NOS1AP: variants seen among roughly 807,000 people sequenced by gnomAD.
NOS1AP encodes the protein carboxyl-terminal PDZ ligand of neuronal nitric oxide synthase protein.
A neutral mutation model predicts 56.2 loss-of-function variants in NOS1AP; 21 were observed. That is an observed-to-expected ratio of 0.37 (90% CI 0.26 to 0.54). The LOEUF (loss-of-function observed/expected upper bound fraction) is 0.54, where lower values mean the gene tolerates loss of function less well. Ranked by LOEUF, NOS1AP falls within the 20% of genes least tolerant of loss-of-function variation. NOS1AP has a pLI of 0.84. For missense variants in NOS1AP, 522 were observed against 657.8 expected (o/e 0.79, Z 2.26); for synonymous variants, 270 against 274.6 (o/e 0.98, Z 0.17).
At chr1:162,199,122 C>T (rs544130268) in intron 2 of NOS1AP, among the ~76,000 whole-genome samples, 381 of 152,320 alleles carry the variant, frequency 2.5e-3, no homozygotes, top group Middle Eastern at 6.8e-3. Flanking sequence ...CCTCCTGTTT[C>T]TCACCACAAA....
intron 2 of NOS1AP, among the ~76,000 whole-genome samples, chr1:162,255,669 CA>C (rs1479299883): frequency 6.6e-6 from 1 of 151,958 alleles, no homozygotes; most frequent in Non-Finnish European, 1.5e-5. Context: ...ATGGAACCAG[CA>C]AGGTCAAATG....
chr1:162,306,963 CA>C (rs5778264), intron 4 of NOS1AP, among the ~76,000 whole-genome samples: 80,337 of 142,024 alleles, frequency 0.57, 21,576 homozygotes, highest in East Asian at 0.61. Flanking sequence ...ACTTTTGTCT[CA>C]AAAAAAAAAA....
intron 2 of NOS1AP, among the ~76,000 whole-genome samples, chr1:162,162,196 A>G (rs1182317310): frequency 6.6e-6 from 1 of 152,216 alleles, no homozygotes; most frequent in Non-Finnish European, 1.5e-5. Context: ...GTGTGTTGCC[A>G]TCAAATAGTT....
At chr1:162,090,547 G>A (rs1035429217) in intron 1 of NOS1AP, among the ~76,000 whole-genome samples, 13 of 151,910 alleles carry the variant, frequency 8.6e-5, no homozygotes, top group South Asian at 2.1e-4. Flanking sequence ...TTGTTCTTCC[G>A]GAACCACTCT....
At chr1:162,290,367 G>A (rs149125324) in intron 3 of NOS1AP, among the ~76,000 whole-genome samples, 1 of 152,302 alleles carries the variant, frequency 6.6e-6, no homozygotes, top group African/African-American at 2.4e-5. Context: ...CACATTAACA[G>A]CAATCAGCCT....
rs7538260 is a variant in NOS1AP, at chr1:162,287,456, A to G, written c.270+20A>G. ...AAAAAGGTAAGTGGCTCTGAACCAG[A>G]ATCTGAGGTGAAGAGGAAAGCAGGG... is the stretch of plus-strand genomic sequence containing the variant. On this transcript the variant is annotated intron_variant, in intron 3 of 9. Coordinates refer to ENST00000361897, the MANE Select transcript of NOS1AP (RefSeq NM_014697.3). 22,869 of 1,537,012 alleles carry G rather than the reference A, an allele frequency of 0.015. 208 individuals are homozygous for G. The highest frequency in any genetic ancestry group is 0.018 in the Non-Finnish European group (19,569 of 1,109,452).
intron 5 of NOS1AP, among the ~76,000 whole-genome samples, chr1:162,339,132 G>C (rs1657026224): frequency 6.6e-6 from 1 of 152,100 alleles, no homozygotes; most frequent in Non-Finnish European, 1.5e-5. Flanking sequence ...TCACAAAATT[G>C]CCTGTAGTTG....
In NOS1AP at chr1:162,287,437, G is replaced by GT; in HGVS notation, c.270+2dup. ...AGTGATTCTGAAGAAGAAGAAAAAGGTAAGTGGCTCTGAACCAGAATCTGA... is the reference window on the plus strand; with the variant it reads ...AGTGATTCTGAAGAAGAAGAAAAAGGTTAAGTGGCTCTGAACCAGAATCTGA... On this transcript the variant is annotated splice_donor_variant, in intron 3 of 9. Coordinates refer to ENST00000361897, the MANE Select transcript of NOS1AP (RefSeq NM_014697.3). LOFTEE classifies it high-confidence loss of function. 6.2e-7 allele frequency: 1 copy of GT among 1,603,004 alleles called. No homozygotes were observed. The highest frequency in any genetic ancestry group is 8.5e-7 in the Non-Finnish European group (1 of 1,169,888).
rs557353056 is a variant in NOS1AP, at chr1:162,155,088, A to C, written c.177+612A>C. 2.0e-5 allele frequency among the ~76,000 whole-genome samples: 3 copies of C among 151,886 alleles called. No individual in the cohort carries two copies. The South Asian group carries it at 6.3e-4, about 32-fold the overall frequency. On this transcript the variant is annotated intron_variant, in intron 2 of 9. Coordinates refer to ENST00000361897, the MANE Select transcript of NOS1AP (RefSeq NM_014697.3). ...TTGCCTGGATAAGGGAGGACAAAGAAATTGGCTTGATTAGGGTATTCGAGG... is the reference window on the plus strand; with the variant it reads ...TTGCCTGGATAAGGGAGGACAAAGACATTGGCTTGATTAGGGTATTCGAGG...
At chr1:162,125,812 T>C (rs576415807) in intron 1 of NOS1AP, among the ~76,000 whole-genome samples, 5 of 152,254 alleles carry the variant, frequency 3.3e-5, no homozygotes, top group South Asian at 4.1e-4. Flanking sequence ...TGTGAAAAAC[T>C]ATCTTGATAT....
intron 1 of NOS1AP, among the ~76,000 whole-genome samples, chr1:162,110,923 T>A (rs1024226387): frequency 6.6e-6 from 1 of 152,232 alleles, no homozygotes; most frequent in African/African-American, 2.4e-5. Flanking sequence ...GCTGTAGCCA[T>A]TAAGTCACTC....
At chr1:162,341,569 T>C (rs1657106739) in intron 5 of NOS1AP, among the ~76,000 whole-genome samples, 1 of 152,212 alleles carries the variant, frequency 6.6e-6, no homozygotes, top group African/African-American at 2.4e-5. Flanking sequence ...GGGAGCAAAA[T>C]TCCCAAGAGT....
chr1:162,111,669 C>T (rs948068023), intron 1 of NOS1AP, among the ~76,000 whole-genome samples: 1 of 152,192 alleles, frequency 6.6e-6, no homozygotes, highest in African/African-American at 2.4e-5. Context: ...TTGCTGCAGT[C>T]AGAGGCTTTC....
chr1:162,185,767 GTTA>G (rs1370106217), intron 2 of NOS1AP, among the ~76,000 whole-genome samples: 1 of 151,752 alleles, frequency 6.6e-6, no homozygotes, highest in Non-Finnish European at 1.5e-5. Context: ...AATGAGGAAT[GTTA>G]TTATAATATT....
At chr1:162,249,161 G>A (rs1351851209) in intron 2 of NOS1AP, among the ~76,000 whole-genome samples, 1 of 152,298 alleles carries the variant, frequency 6.6e-6, no homozygotes, top group Non-Finnish European at 1.5e-5. Context: ...TTTGGATATA[G>A]AGTTGGATTC....
rs1045072593 is a variant in NOS1AP, at chr1:162,274,379, C to T, written c.178-12965C>T. Reference sequence around the variant, plus strand: ...GCAGGCTGGAGAGGAGAATGATAACCGCCTGTAAAAAGCATGCAGTTTATA... The same window carrying T: ...GCAGGCTGGAGAGGAGAATGATAACTGCCTGTAAAAAGCATGCAGTTTATA... On this transcript the variant is annotated intron_variant, in intron 2 of 9. Coordinates refer to ENST00000361897, the MANE Select transcript of NOS1AP (RefSeq NM_014697.3). 2.6e-5 allele frequency among the ~76,000 whole-genome samples: 4 copies of T among 152,244 alleles called. No individual in the cohort carries two copies. In the South Asian group the frequency reaches 8.3e-4, roughly 32 times the overall value.
intron 2 of NOS1AP, among the ~76,000 whole-genome samples, chr1:162,170,764 A>G (rs1051747484): frequency 6.6e-6 from 1 of 152,094 alleles, no homozygotes; most frequent in Non-Finnish European, 1.5e-5. Context: ...TGTCTCGACT[A>G]AAAATACAAA....
chr1:162,229,402 T>C (rs1653047714), intron 2 of NOS1AP, among the ~76,000 whole-genome samples: 1 of 152,224 alleles, frequency 6.6e-6, no homozygotes, highest in African/African-American at 2.4e-5. Flanking sequence ...CATGTTTTCC[T>C]ATGGCCAATT....
At position 162,201,130 on chromosome 1, in the gene NOS1AP, C is replaced by T. The variant is rs1571122256; in HGVS notation, c.177+46654C>T. ...GCATCCATGTGTTCTCATCATTTAG[C>T]TCTCACTTATAAGTGAGAACATGTG... is the stretch of plus-strand genomic sequence containing the variant. On this transcript the variant is annotated intron_variant, in intron 2 of 9. Transcript: ENST00000361897. Among the ~76,000 whole-genome samples the T allele has an allele frequency of 2.6e-5, 4 of 152,296 alleles. No individual in the cohort carries two copies. The South Asian group carries it at 8.3e-4, about 32-fold the overall frequency.
Sources: gnomAD v4.1 joint callset for allele counts (sites outside exome capture counted in the v4.1 genomes callset) on GRCh38, gnomAD v4.1.1 for gene constraint, MANE v1.5 for transcripts, NCBI Gene and HGNC (gene_info 2026-07-23, HGNC 2026-07-21) for gene names.